Variants in EEF1AKMT1 observed in about 807,000 individuals in gnomAD.
EEF1AKMT1 encodes EEF1A lysine methyltransferase 1.
A neutral mutation model predicts 21.0 loss-of-function variants in EEF1AKMT1; 18 were observed. The observed-to-expected ratio is 0.86, with a 90% CI of 0.59 to 1.27. The LOEUF (loss-of-function observed/expected upper bound fraction) is 1.27, where lower values mean the gene tolerates loss of function less well. Among genes scored for constraint, EEF1AKMT1 ranks in the 50% most tolerant of loss-of-function variants. The pLI, the probability that EEF1AKMT1 is intolerant of heterozygous loss-of-function variation, is 0.00. For missense variants in EEF1AKMT1, 246 were observed against 258.6 expected (o/e 0.95, Z 0.33); for synonymous variants, 109 against 94.8 (o/e 1.15, Z -0.87).
chr13:20,739,234 G>A (rs2314720), intron 2 of EEF1AKMT1, among the ~76,000 whole-genome samples: 35,915 of 152,040 alleles, frequency 0.24, 5,796 homozygotes, highest in East Asian at 0.76. Flanking sequence ...AGACCTTCAC[G>A]GTGAGTGTTA....
intron 2 of EEF1AKMT1, among the ~76,000 whole-genome samples, chr13:20,743,426 T>C (rs2058883720): frequency 1.3e-5 from 2 of 151,562 alleles, no homozygotes; most frequent in South Asian, 4.2e-4. Flanking sequence ...ATTTTGTGTG[T>C]GGATTATAAA....
At chr13:20,745,422 G>C (rs2058897942) in intron 2 of EEF1AKMT1, among the ~76,000 whole-genome samples, 1 of 152,112 alleles carries the variant, frequency 6.6e-6, no homozygotes, top group Non-Finnish European at 1.5e-5. Context: ...TGTATTCCTA[G>C]GTATTTTCTT....
At chr13:20,730,290 G>T (rs758737670) in intron 4 of EEF1AKMT1, among the ~76,000 whole-genome samples, 3 of 152,186 alleles carry the variant, frequency 2.0e-5, no homozygotes, top group Admixed American at 6.5e-5. Context: ...GCATCTGTGC[G>T]AACAGAGCGC....
In EEF1AKMT1 at chr13:20,757,562, A is replaced by T. The variant is rs1787388225; in HGVS notation, c.37T>A (p.Ser13Thr). ...TGGAGAGCTGCTAAGGCATGGGCAG[A>T]AAGCTGGGGTGTCTCATCATCTTCC... The part of the protein sequence containing the change: ...DLEDDETPQL[S>T]AHALAALQEF... Residue 13 changes from serine (S) to threonine (T), a missense_variant, in exon 2 of 5, where the codon TCT (serine) becomes ACT (threonine). Ser to Thr is a moderately conservative substitution (Grantham distance 58). Transcript: ENST00000382758. 6.2e-7 allele frequency: 1 copy of T among 1,614,012 alleles called. No individual in the cohort carries two copies. Among genetic ancestry groups the T allele is most frequent in the Admixed American group, 1.7e-5 (1 of 59,994 alleles).
chr13:20,765,118 G>A (rs531562506), intron 1 of EEF1AKMT1, among the ~76,000 whole-genome samples: 10 of 151,806 alleles, frequency 6.6e-5, no homozygotes, highest in Non-Finnish European at 1.0e-4. Context: ...AAAACTAGCC[G>A]GGCATGGTGG....
At chr13:20,738,920 G>T (rs564992031) in intron 2 of EEF1AKMT1, among the ~76,000 whole-genome samples, 9 of 152,176 alleles carry the variant, frequency 5.9e-5, no homozygotes, top group Admixed American at 3.3e-4. Flanking sequence ...TTGTGTGTCC[G>T]GAATTGGTGG....
chr13:20,765,408 T>TTG (rs1267400727), intron 1 of EEF1AKMT1, among the ~76,000 whole-genome samples: 2 of 116,896 alleles, frequency 1.7e-5, no homozygotes, highest in African/African-American at 7.2e-5. Context: ...CCCTTGGGTT[T>TTG]TTTTTTTTTT....
intron 1 of EEF1AKMT1, among the ~76,000 whole-genome samples, chr13:20,759,060 T>C (rs1286402486): frequency 6.6e-6 from 1 of 152,102 alleles, no homozygotes; most frequent in East Asian, 1.9e-4. Context: ...CCTGAAACTA[T>C]AAAAACTCAA....
rs1491496241 is a variant in EEF1AKMT1 at position 20,748,725 on chromosome 13, G to GTTGTT, written c.144+8729_144+8730insAACAA. Among the ~76,000 whole-genome samples the GTTGTT allele has an allele frequency of 9.5e-3, 652 of 68,606 alleles. 9 individuals carry two copies. In the South Asian group the frequency reaches 0.14, roughly 15 times the overall value. The allele number at this position is 68,606 out of a possible 152,430, so 45.0% of individuals were successfully genotyped here. On this transcript the variant is annotated intron_variant, in intron 2 of 4. Coordinates refer to ENST00000382758, the MANE Select transcript of EEF1AKMT1 (RefSeq NM_001318939.2). ...TCCTAATGTATAGTTGTTTTTTTTT[G>GTTGTT]GTTTTTTTTTTTTTTTTTTTTTGAG... is the stretch of plus-strand genomic sequence containing the variant.
In EEF1AKMT1 at chr13:20,730,776, T is replaced by C. The variant is rs569073295; in HGVS notation, c.508+1065A>G. On this transcript the variant is annotated intron_variant, in intron 4 of 4. Coordinates refer to ENST00000382758, the MANE Select transcript of EEF1AKMT1 (RefSeq NM_001318939.2). ...ATCAGCACTCTGTAGAATGGACCAA[T>C]AAGCAGGACGTGGGCAGGGACAAAC... 5.3e-5 allele frequency among the ~76,000 whole-genome samples: 8 copies of C among 152,252 alleles called. No homozygotes were observed. In the South Asian group the frequency reaches 1.7e-3, roughly 32 times the overall value.
intron 2 of EEF1AKMT1, among the ~76,000 whole-genome samples, chr13:20,740,379 A>G (rs1373608262): frequency 6.6e-6 from 1 of 152,246 alleles, no homozygotes; most frequent in Non-Finnish European, 1.5e-5. Context: ...GGGCTCCCAC[A>G]GTGCAGCAGC....
intron 2 of EEF1AKMT1, among the ~76,000 whole-genome samples, chr13:20,752,006 A>G (rs766131359): frequency 8.5e-5 from 13 of 152,150 alleles, no homozygotes; most frequent in Non-Finnish European, 1.8e-4. Flanking sequence ...GTATCCTGCA[A>G]TCTTATTGAA....
At chr13:20,757,432 G>A (rs2058977098) in intron 2 of EEF1AKMT1, 23 bp downstream of exon 2, 1 of 1,612,706 alleles carries the variant, frequency 6.2e-7, no homozygotes, top group Middle Eastern at 1.7e-4. Context: ...ACTTCCTGAT[G>A]GCTGTGAAAT....
At chr13:20,745,284 T>C (rs2818979) in intron 2 of EEF1AKMT1, among the ~76,000 whole-genome samples, 100,754 of 152,068 alleles carry the variant, frequency 0.66, 34,562 homozygotes, top group East Asian at 1. Flanking sequence ...GTATGGCCAT[T>C]TTCAAAATAT....
At chr13:20,747,956 C>G (rs184711476) in intron 2 of EEF1AKMT1, 51 of 230,950 alleles carry the variant, frequency 2.2e-4, no homozygotes, top group Admixed American at 2.1e-3. Flanking sequence ...ATGTACGTCT[C>G]AAATTCACCA....
At chr13:20,747,459 A>ATTTTTTTTTTTTT (rs1164591974) in intron 2 of EEF1AKMT1, 105 of 66,072 alleles carry the variant, frequency 1.6e-3, no homozygotes, top group Non-Finnish European at 1.9e-3. Context: ...AGTTAGGCAC[A>ATTTTTTTTTTTTT]TTCTTTTTTT....
chr13:20,773,772 A>C (rs2059075414), intron 1 of EEF1AKMT1, 149 bp downstream of exon 1: 1 of 152,920 alleles, frequency 6.5e-6, no homozygotes, highest in Non-Finnish European at 1.5e-5. Flanking sequence ...TCCCTCAGGA[A>C]TCCGCCAGCC....
chr13:20,773,278 C>T (rs1405502390), intron 1 of EEF1AKMT1, among the ~76,000 whole-genome samples: 1 of 152,176 alleles, frequency 6.6e-6, no homozygotes, highest in African/African-American at 2.4e-5. Context: ...TAAGGAAGGC[C>T]TTCCTGTCTG....
chr13:20,735,148 T>A (rs1013196715), intron 3 of EEF1AKMT1, among the ~76,000 whole-genome samples: 1 of 152,010 alleles, frequency 6.6e-6, no homozygotes, highest in Admixed American at 6.5e-5. Flanking sequence ...CACTGGCAGT[T>A]GGAAAGCTGA....
Sources: gnomAD v4.1 joint callset for allele counts (sites outside exome capture counted in the v4.1 genomes callset) on GRCh38, gnomAD v4.1.1 for gene constraint, MANE v1.5 for transcripts, NCBI Gene and HGNC (gene_info 2026-07-23, HGNC 2026-07-21) for gene names.